The following TENM3 variants were observed in gnomAD, a reference collection of about 807,000 sequenced individuals.
TENM3 encodes teneurin transmembrane protein 3, also known as teneurin-3.
TENM3 carries 63 observed loss-of-function variants against 255.1 expected under a neutral mutation model. That is an observed-to-expected ratio of 0.25 (90% CI 0.20 to 0.30). The LOEUF (loss-of-function observed/expected upper bound fraction) is 0.30, where lower values mean the gene tolerates loss of function less well. Among genes scored for constraint, TENM3 ranks in the 10% least tolerant of loss-of-function variants. TENM3 has a pLI of 1.00. For synonymous variants in TENM3, 1,306 were observed against 1,322.3 expected (o/e 0.99, Z 0.27); for missense variants, 2,929 against 3,461.1 (o/e 0.85, Z 3.86).
At chr4:182,492,712 G>A (rs547793481) in intron 3 of TENM3, among the ~76,000 whole-genome samples, 14 of 152,240 alleles carry the variant, frequency 9.2e-5, no homozygotes, top group Admixed American at 7.2e-4. Context: ...AGTTTTGCTC[G>A]ATGACTGCTG....
intron 3 of TENM3, among the ~76,000 whole-genome samples, chr4:182,352,997 C>A (rs572765753): frequency 1.3e-5 from 2 of 152,220 alleles, no homozygotes; most frequent in South Asian, 4.2e-4. Context: ...CAGTGCTGAT[C>A]AAATTCTAGG....
the TENM3 span, among the ~76,000 whole-genome samples, chr4:181,832,783 A>G: frequency 2.0e-5 from 3 of 152,220 alleles, no homozygotes; most frequent in Admixed American, 6.5e-5. Context: ...GTCGAGGATT[A>G]GCAGGAACGG....
chr4:182,022,586 C>T, the TENM3 span, among the ~76,000 whole-genome samples: 1 of 151,600 alleles, frequency 6.6e-6, no homozygotes, highest in African/African-American at 2.4e-5. Context: ...TTGGTAAACA[C>T]CTAAGTCTAA....
chr4:181,512,541 T>C, the TENM3 span, among the ~76,000 whole-genome samples: 13 of 152,178 alleles, frequency 8.5e-5, no homozygotes, highest in African/African-American at 3.1e-4. Flanking sequence ...CTCCTTTACA[T>C]TTTTAATACA....
chr4:182,217,368 T>G (rs1378617914), intron 1 of TENM3, among the ~76,000 whole-genome samples: 1 of 152,090 alleles, frequency 6.6e-6, no homozygotes, highest in African/African-American at 2.4e-5. Context: ...AAAGTGATTA[T>G]CTGACTAGTA....
chr4:181,925,999 T>G, the TENM3 span, among the ~76,000 whole-genome samples: 1 of 152,238 alleles, frequency 6.6e-6, no homozygotes, highest in Admixed American at 6.5e-5. Flanking sequence ...TTTGGCATGA[T>G]GTCGCAGTAG....
At chr4:182,303,594 T>G (rs1761966152) in intron 1 of TENM3, among the ~76,000 whole-genome samples, 2 of 152,232 alleles carry the variant, frequency 1.3e-5, no homozygotes, top group Admixed American at 1.3e-4. Context: ...CATCTGGTTT[T>G]GAGCCGTAGC....
At chr4:182,593,968 G>T (rs1161913196) in intron 3 of TENM3, among the ~76,000 whole-genome samples, 2 of 149,844 alleles carry the variant, frequency 1.3e-5, no homozygotes, top group African/African-American at 4.9e-5. Context: ...GTAGCTTTTA[G>T]TCTTAAAAAA....
chr4:182,729,259 C>A, intron 14 of TENM3, 78 bp downstream of exon 14: 1 of 1,242,416 alleles, frequency 8.0e-7, no homozygotes. Context: ...ATACTCATGA[C>A]TGTGAACCTG....
the TENM3 span, among the ~76,000 whole-genome samples, chr4:181,790,483 T>C: frequency 2.6e-5 from 4 of 152,200 alleles, no homozygotes; most frequent in Non-Finnish European, 5.9e-5. Flanking sequence ...TTGTTAAGTT[T>C]CTTGCATGGT....
chr4:181,560,193 A>C, the TENM3 span, among the ~76,000 whole-genome samples: 112,384 of 152,012 alleles, frequency 0.74, 42,132 homozygotes, highest in Middle Eastern at 0.85. Context: ...AGTTTATAGA[A>C]TGCTGTCTTC....
At chr4:181,902,404 G>T in the TENM3 span, among the ~76,000 whole-genome samples, 2 of 151,950 alleles carry the variant, frequency 1.3e-5, no homozygotes, top group Admixed American at 6.6e-5. Flanking sequence ...AATTGCTTTT[G>T]GTGTTTTAGT....
At chr4:182,294,240 C>T (rs1010074497) in intron 1 of TENM3, among the ~76,000 whole-genome samples, 7 of 152,062 alleles carry the variant, frequency 4.6e-5, no homozygotes, top group African/African-American at 1.4e-4. Context: ...CTGCGAGATT[C>T]GTGAGGTGGA....
intron 3 of TENM3, among the ~76,000 whole-genome samples, chr4:182,412,373 G>C (rs1364033097): frequency 6.6e-6 from 1 of 152,110 alleles, no homozygotes; most frequent in Non-Finnish European, 1.5e-5. Context: ...TAAATGAAGA[G>C]AGACAGAGTC....
chr4:181,771,894 C>G, the TENM3 span, among the ~76,000 whole-genome samples: 1 of 152,184 alleles, frequency 6.6e-6, no homozygotes, highest in African/African-American at 2.4e-5. Context: ...TCGTCAAAAC[C>G]TGCTCCTGTG....
the TENM3 span, among the ~76,000 whole-genome samples, chr4:181,633,083 A>G: frequency 6.6e-6 from 1 of 152,114 alleles, no homozygotes; most frequent in African/African-American, 2.4e-5. Context: ...TCCCTGGGGG[A>G]AACTTCAGAA....
chr4:182,650,886 A>AT (rs1436894537), intron 5 of TENM3, among the ~76,000 whole-genome samples: 22 of 27,096 alleles, frequency 8.1e-4, no homozygotes, highest in East Asian at 6.1e-3. Context: ...TGTAATAAAA[A>AT]AAAATATATA....
At chr4:182,465,719 T>C (rs1351361126) in intron 3 of TENM3, among the ~76,000 whole-genome samples, 1 of 152,162 alleles carries the variant, frequency 6.6e-6, no homozygotes, top group African/African-American at 2.4e-5. Context: ...CTGACATCGG[T>C]GCTTTATTAT....
chr4:181,931,670 AATTTC>A, the TENM3 span, among the ~76,000 whole-genome samples: 2 of 152,182 alleles, frequency 1.3e-5, no homozygotes, highest in Non-Finnish European at 2.9e-5. Flanking sequence ...AACTACTTTA[AATTTC>A]ATATGGAACC....
Sources: gnomAD v4.1 joint callset for allele counts (sites outside exome capture counted in the v4.1 genomes callset) on GRCh38, gnomAD v4.1.1 for gene constraint, MANE v1.5 for transcripts, NCBI Gene and HGNC (gene_info 2026-07-23, HGNC 2026-07-21) for gene names.